Variants in MYO3A observed in about 807,000 individuals in gnomAD.
MYO3A encodes myosin-IIIa.
A neutral mutation model predicts 192.7 loss-of-function variants in MYO3A; 180 were observed. That is an observed-to-expected ratio of 0.93 (90% CI 0.83 to 1.06). The LOEUF is 1.06. MYO3A is among the 50% of genes least tolerant of loss of function. The probability of loss-of-function intolerance (pLI) is 0.00; values close to 1 mark genes in which losing one functional copy is unlikely to be tolerated. For synonymous variants in MYO3A, 628 were observed against 645.3 expected, an observed-to-expected ratio of 0.97 and a Z score of 0.41; for missense variants, 1,896 against 1,905.0, an observed-to-expected ratio of 1.00 and a Z score of 0.09.
At chr10:26,076,243 C>T (rs764848950) in intron 14 of MYO3A, among the ~76,000 whole-genome samples, 1 of 151,944 alleles carries the variant, frequency 6.6e-6, no homozygotes, top group Non-Finnish European at 1.5e-5. Flanking sequence ...TTTTCCTGAT[C>T]ATTAGTGATG....
chr10:26,129,360 GCT>G (rs1839404093), intron 20 of MYO3A, among the ~76,000 whole-genome samples: 1 of 152,084 alleles, frequency 6.6e-6, no homozygotes, highest in Admixed American at 6.5e-5. Context: ...TAGTTGTTCA[GCT>G]CTTTTTCATC....
At chr10:25,946,631 G>C (rs1836848744) in intron 2 of MYO3A, among the ~76,000 whole-genome samples, 1 of 150,998 alleles carries the variant, frequency 6.6e-6, no homozygotes, top group Admixed American at 6.6e-5. Flanking sequence ...GGTAATCCCA[G>C]CACTGTGGGA....
At chr10:26,091,193 G>A (rs932226988) in intron 15 of MYO3A, among the ~76,000 whole-genome samples, 17 of 152,126 alleles carry the variant, frequency 1.1e-4, no homozygotes, top group Non-Finnish European at 1.6e-4. Flanking sequence ...TAGAGCAGAC[G>A]AGTATCTTTT....
At chr10:26,154,042 A>G (rs1178013420) in intron 24 of MYO3A, 113 bp downstream of exon 24, 2 of 800,712 alleles carry the variant, frequency 2.5e-6, no homozygotes, top group Non-Finnish European at 4.2e-6. Context: ...TCTCCCTTTG[A>G]TCTTGCTTTT....
chr10:26,182,695 T>C (rs1023325528), intron 31 of MYO3A, among the ~76,000 whole-genome samples: 2 of 152,190 alleles, frequency 1.3e-5, no homozygotes, highest in African/African-American at 4.8e-5. Flanking sequence ...TTTTGAAAAA[T>C]AGCCAAGATG....
intron 14 of MYO3A, among the ~76,000 whole-genome samples, chr10:26,074,934 G>C (rs1018694374): frequency 1.6e-4 from 25 of 151,880 alleles, no homozygotes; most frequent in African/African-American, 5.6e-4. Context: ...ATAAGATAAG[G>C]ATCAAATTTC....
chr10:25,936,088 C>T (rs527273518), intron 2 of MYO3A, among the ~76,000 whole-genome samples: 14 of 151,858 alleles, frequency 9.2e-5, no homozygotes, highest in African/African-American at 1.9e-4. Flanking sequence ...TATTTGGGGA[C>T]GAAAATGCAA....
chr10:25,992,099 T>C (rs1840070642), intron 4 of MYO3A, among the ~76,000 whole-genome samples: 1 of 151,724 alleles, frequency 6.6e-6, no homozygotes, highest in Non-Finnish European at 1.5e-5. Flanking sequence ...GTAAATTACC[T>C]TGGGCAGTAT....
In MYO3A at chr10:26,021,488, G is replaced by A; in HGVS notation, c.586-15G>A. ...GTCACAAATTTCACCTTTTGATGGTGTGGTTTTCTACTAGGTGATTGCATG... is the reference window on the plus strand; with the variant it reads ...GTCACAAATTTCACCTTTTGATGGTATGGTTTTCTACTAGGTGATTGCATG... On this transcript the variant is annotated splice_polypyrimidine_tract_variant and intron_variant, in intron 7 of 34. Transcript: ENST00000642920. 4 of 1,613,512 alleles carry A rather than the reference G, an allele frequency of 2.5e-6. No homozygotes were observed. The highest frequency in any genetic ancestry group is 3.4e-6 in the Non-Finnish European group (4 of 1,179,456).
rs1317445195 is a variant in MYO3A at position 26,070,428 on chromosome 10, A to C, written c.1359+27A>C. 6.4e-6 allele frequency: 10 copies of C among 1,571,202 alleles called. No homozygotes were observed. The South Asian group carries it at 8.9e-5, about 14-fold the overall frequency. On this transcript the variant is annotated intron_variant, in intron 14 of 34. Transcript: ENST00000642920. ...TATAATTTATTTTTTTCTCTGTCCC[A>C]TCAGAAATATTTGTTGAATTTCATA... is the stretch of plus-strand genomic sequence containing the variant.
At chr10:26,004,297 G>A (rs1201368666) in intron 6 of MYO3A, among the ~76,000 whole-genome samples, 1 of 152,090 alleles carries the variant, frequency 6.6e-6, no homozygotes, top group African/African-American at 2.4e-5. Flanking sequence ...CCTAAAGGAG[G>A]CCTGATACAG....
At chr10:25,968,633 T>C (rs893604334) in intron 4 of MYO3A, among the ~76,000 whole-genome samples, 2 of 152,222 alleles carry the variant, frequency 1.3e-5, no homozygotes, top group African/African-American at 4.8e-5. Context: ...AAATTGGAAG[T>C]ACAAGCAGTT....
intron 6 of MYO3A, among the ~76,000 whole-genome samples, chr10:25,999,604 G>C (rs972796626): frequency 1.3e-5 from 2 of 152,172 alleles, no homozygotes; most frequent in African/African-American, 4.8e-5. Context: ...GAAAGCTACA[G>C]CTGGGAGTAA....
intron 15 of MYO3A, among the ~76,000 whole-genome samples, chr10:26,093,328 T>C (rs918135066): frequency 6.6e-6 from 1 of 152,222 alleles, no homozygotes; most frequent in Non-Finnish European, 1.5e-5. Context: ...CAAACTGAAT[T>C]ATATGCTGTG....
intron 29 of MYO3A, among the ~76,000 whole-genome samples, chr10:26,173,285 C>T (rs1842144365): frequency 2.0e-5 from 3 of 152,160 alleles, no homozygotes. Context: ...ACCCTGCTTA[C>T]TGGTATCAAA....
rs1389110475 is a variant in MYO3A, at chr10:26,174,386, T to G, written c.4122T>G (p.Phe1374Leu). 1 of 1,614,052 alleles carries G rather than the reference T, an allele frequency of 6.2e-7. No homozygotes were observed. The highest frequency in any genetic ancestry group is 1.3e-5 in the African/African-American group (1 of 74,912). The change falls in exon 30 of 35, where the codon TTT (phenylalanine) becomes TTG (leucine). Residue 1374 changes from phenylalanine to leucine, a missense_variant. By Grantham distance (22) the Phe-to-Leu change is conservative (BLOSUM62 0). Transcript: ENST00000642920. The part of the protein sequence containing the change: ...QQLRKDKMSS[F>L]KHQRIVTTPT... ...TGAGGAAGGACAAGATGTCTTCTTT[T>G]AAGCATCAGAGGATTGTCACAACAC...
intron 7 of MYO3A, among the ~76,000 whole-genome samples, chr10:26,019,810 G>T (rs1842208140): frequency 6.6e-6 from 1 of 152,138 alleles, no homozygotes; most frequent in Non-Finnish European, 1.5e-5. Flanking sequence ...GAACATTTGG[G>T]TGTTTATCAC....
intron 6 of MYO3A, among the ~76,000 whole-genome samples, chr10:26,002,867 G>A (rs2130941302): frequency 6.6e-6 from 1 of 152,190 alleles, no homozygotes; most frequent in Non-Finnish European, 1.5e-5. Context: ...CCAACGCCCT[G>A]TACTTCATTT....
At chr10:25,934,865 C>T (rs189268605) in intron 1 of MYO3A, among the ~76,000 whole-genome samples, 11 of 151,438 alleles carry the variant, frequency 7.3e-5, no homozygotes, top group African/African-American at 2.7e-4. Flanking sequence ...GGAAGGGTGG[C>T]GTAAGGGGTG....
Sources: allele counts gnomAD v4.1 joint callset (sites outside exome capture counted in the v4.1 genomes callset), GRCh38; gene constraint gnomAD v4.1.1; transcripts MANE v1.5; gene names NCBI Gene and HGNC (gene_info 2026-07-23, HGNC 2026-07-21).